The following STS variants were observed in gnomAD, a reference collection of about 807,000 sequenced individuals.
STS encodes the protein steroid sulfatase, also known as steryl-sulfatase.
Under a neutral mutation model 26.8 loss-of-function variants are expected in STS, and 7 were observed. That is an observed-to-expected ratio of 0.26 (90% CI 0.15 to 0.49). The LOEUF is 0.49. Ranked by LOEUF, STS falls within the 20% of genes least tolerant of loss-of-function variation. The pLI is 0.98. For synonymous variants in STS, 199 were observed against 189.4 expected (o/e 1.05, Z -0.42); for missense variants, 434 against 465.6 (o/e 0.93, Z 0.63).
At position 7,319,955 on chromosome X, in the gene STS, TTA is replaced by T. The variant is rs1379799263; in HGVS notation, c.1082-5374_1082-5373del. Reference sequence around the variant, plus strand: ...TATATATATATTTTTATATGTATATTTATATATATATTTTATATATATGTATA... The same window carrying T: ...TATATATATATTTTTATATGTATATTTATATATATTTTATATATATGTATA... On this transcript the variant is annotated intron_variant, in intron 8 of 10. Transcript: ENST00000674429. 8.2e-4 allele frequency among the ~76,000 whole-genome samples: 77 copies of T among 94,435 alleles called. 1 individual carries two copies. Among genetic ancestry groups the T allele is most frequent in the South Asian group, 2.6e-3 (6 of 2,326 alleles). The allele number at this position is 94,435 out of a possible 115,157, so 82.0% of individuals were successfully genotyped here.
chrX:7,266,454 A>G (rs952037807), intron 6 of STS, among the ~76,000 whole-genome samples: 2 of 111,759 alleles, frequency 1.8e-5, no homozygotes, highest in Non-Finnish European at 3.8e-5. Flanking sequence ...CCAAGCACAT[A>G]TTTTCAAGTT....
chrX:7,327,994 T>C (rs1927561398), intron 9 of STS, among the ~76,000 whole-genome samples: 1 of 111,875 alleles, frequency 8.9e-6, no homozygotes, highest in African/African-American at 3.2e-5. Context: ...TAAGATCTCC[T>C]ACTCCAGTCA....
chrX:7,333,611 C>T, intron 9 of STS, among the ~76,000 whole-genome samples: 1 of 112,277 alleles, frequency 8.9e-6, no homozygotes, highest in Non-Finnish European at 1.9e-5. Flanking sequence ...TTTGATCAGG[C>T]AATAGACAGA....
At chrX:7,174,338 G>A (rs1027840470) in intron 1 of STS, among the ~76,000 whole-genome samples, 6 of 111,215 alleles carry the variant, frequency 5.4e-5, no homozygotes, top group East Asian at 2.8e-4. Flanking sequence ...CTCATTTGTA[G>A]GTCTACCCTG....
chrX:7,264,483 C>T (rs1274266201), intron 6 of STS, among the ~76,000 whole-genome samples: 1 of 112,178 alleles, frequency 8.9e-6, no homozygotes. Context: ...GTAGGGTGGC[C>T]TTTGCTAGCC....
intron 1 of STS, among the ~76,000 whole-genome samples, chrX:7,187,449 C>T (rs1933794632): frequency 9.0e-6 from 1 of 111,730 alleles, no homozygotes; most frequent in South Asian, 3.7e-4. Flanking sequence ...GGATGTGGTT[C>T]ACCCTATGGC....
At chrX:7,192,913 C>A (rs1235727749) in intron 2 of STS, among the ~76,000 whole-genome samples, 2 of 112,319 alleles carry the variant, frequency 1.8e-5, no homozygotes, top group Non-Finnish European at 3.8e-5. Flanking sequence ...CTCACAAATC[C>A]GAAATGTCGT....
chrX:7,284,716 G>T lies in STS; in HGVS notation c.943+8629G>T, dbSNP rs368937381. Among the ~76,000 whole-genome samples the T allele has an allele frequency of 1.6e-4, 18 of 112,272 alleles. No homozygotes were observed. In the East Asian group the frequency reaches 2.0e-3, roughly 12 times the overall value. On this transcript the variant is annotated intron_variant, in intron 7 of 10. Transcript: ENST00000674429. ...TGGCTCCAGACTAGACAGCATGATG[G>T]AACAGAGCAGGAAGCCCAGAAAAAG...
chrX:7,176,057 G>A (rs1382350530), intron 1 of STS, among the ~76,000 whole-genome samples: 2 of 111,405 alleles, frequency 1.8e-5, no homozygotes, highest in Non-Finnish European at 3.8e-5. Context: ...GTGCTTACCC[G>A]GTTCCTTGCT....
Position 7,349,974 on chromosome X carries a change from T to C in STS, c.1450T>C (p.Cys484Arg). ...NGCFATHVCF[C>R]FGSYVTHHDP... ...ATGCTTTGCCACACACGTGTGCTTC[T>C]GTTTCGGGAGTTATGTCACCCATCA... Residue 484 changes from cysteine (C) to arginine (R), a missense_variant, in exon 11 of 11, where the codon TGT (cysteine) becomes CGT (arginine). By Grantham distance (180) the Cys-to-Arg change is radical. Around this residue, in one of 2 missense-constraint regions of STS, gnomAD observed 205 missense variants for 177.3 expected, o/e 1.16. Coordinates refer to ENST00000674429, the MANE Select transcript of STS (RefSeq NM_001320752.2). 1 of 1,211,936 alleles carries C rather than the reference T, an allele frequency of 8.3e-7. No homozygotes were observed. The highest frequency in any genetic ancestry group is 1.1e-6 in the Non-Finnish European group (1 of 895,501).
At chrX:7,323,834 T>C (rs1927201255) in intron 8 of STS, among the ~76,000 whole-genome samples, 1 of 111,730 alleles carries the variant, frequency 9.0e-6, no homozygotes, top group Non-Finnish European at 1.9e-5. Flanking sequence ...TTCTAGAGCC[T>C]GCCTGCATTC....
intron 2 of STS, among the ~76,000 whole-genome samples, chrX:7,215,273 TA>T (rs1921263463): frequency 9.3e-6 from 1 of 107,679 alleles, no homozygotes; most frequent in African/African-American, 3.4e-5. Flanking sequence ...CTTTTTTGTA[TA>T]ATGACTTCTT....
At chrX:7,296,568 A>G (rs1338015536) in intron 7 of STS, among the ~76,000 whole-genome samples, 1 of 112,087 alleles carries the variant, frequency 8.9e-6, no homozygotes, top group African/African-American at 3.2e-5. Context: ...TCTCCCAGAC[A>G]CCGGAAGGAG....
chrX:7,174,438 CT>C (rs1175940802), intron 1 of STS, among the ~76,000 whole-genome samples: 1 of 111,760 alleles, frequency 8.9e-6, no homozygotes, highest in Non-Finnish European at 1.9e-5. Context: ...CTGCATGCAA[CT>C]TCTGAAACTG....
chrX:7,349,846 A>G (rs769419201), intron 10 of STS, 42 bp from the exon 11 acceptor site: 31 of 1,208,808 alleles, frequency 2.6e-5, no homozygotes, highest in Non-Finnish European at 3.1e-5. Context: ...ACATACAAGG[A>G]TGCTTCATAC....
chrX:7,323,694 A>G (rs1313796493), intron 8 of STS, among the ~76,000 whole-genome samples: 1 of 111,943 alleles, frequency 8.9e-6, no homozygotes, highest in Non-Finnish European at 1.9e-5. Context: ...AGGTAAAGGT[A>G]TCTTTTTGGT....
intron 10 of STS, among the ~76,000 whole-genome samples, chrX:7,343,418 T>C (rs1313193719): frequency 2.7e-5 from 3 of 112,595 alleles, no homozygotes; most frequent in Non-Finnish European, 5.6e-5. Context: ...TGGCTGCAGC[T>C]TTCTGTTCAC....
chrX:7,327,945 G>A (rs896807727), intron 9 of STS, among the ~76,000 whole-genome samples: 1 of 111,526 alleles, frequency 9.0e-6, no homozygotes, highest in Non-Finnish European at 1.9e-5. Context: ...TTCATCCGAG[G>A]TCATAAAATC....
chrX:7,342,028 T>C (rs1285637361), intron 10 of STS, among the ~76,000 whole-genome samples: 1 of 110,648 alleles, frequency 9.0e-6, no homozygotes, highest in African/African-American at 3.3e-5. Context: ...GCCAGGCTGG[T>C]CTTGAACTCC....
Sources: allele counts gnomAD v4.1 joint callset (sites outside exome capture counted in the v4.1 genomes callset), GRCh38; gene constraint gnomAD v4.1.1; regional missense constraint gnomAD v4.1.1; transcripts MANE v1.5; gene names NCBI Gene and HGNC (gene_info 2026-07-23, HGNC 2026-07-21).